The following SRD5A2 variants were observed in gnomAD, a reference collection of about 807,000 sequenced individuals.
The protein encoded by SRD5A2 is steroid 5 alpha-reductase 2.
A neutral mutation model predicts 27.4 loss-of-function variants in SRD5A2; 30 were observed. The observed-to-expected ratio is 1.10, with a 90% confidence interval of 0.82 to 1.49. The LOEUF (loss-of-function observed/expected upper bound fraction) is 1.49. Ranked by LOEUF, SRD5A2 falls within the 40% of genes most tolerant of loss-of-function variation. SRD5A2 has a pLI of 0.00. For synonymous variants in SRD5A2, 141 were observed against 133.6 expected (o/e 1.06, Z -0.38); for missense variants, 348 against 323.4 (o/e 1.08, Z -0.58).
chr2:31,608,496 T>C, the SRD5A2 span, among the ~76,000 whole-genome samples: 1 of 151,932 alleles, frequency 6.6e-6, no homozygotes, highest in East Asian at 1.9e-4. Flanking sequence ...AAGCTATGTA[T>C]TTTCAGATGG....
chr2:31,591,336 A>G, the SRD5A2 span, among the ~76,000 whole-genome samples: 2 of 152,252 alleles, frequency 1.3e-5, no homozygotes, highest in African/African-American at 4.8e-5. Flanking sequence ...ACATGAAAAA[A>G]TGCTCATCAT....
chr2:31,526,104 C>CATATATATATATATAT lies in SRD5A2; in HGVS notation c.*91_*92insATATATATATATATAT, dbSNP rs1491224935. On this transcript the variant is annotated 3_prime_UTR_variant, in exon 5 of 5. Coordinates refer to ENST00000622030, the MANE Select transcript of SRD5A2 (RefSeq NM_000348.4). Reference sequence around the variant, plus strand: ...CAGGAGACCTACTATTACATATATACGGGACTATTATATCATGAAAATTAC... The same window carrying CATATATATATATATAT: ...CAGGAGACCTACTATTACATATATACATATATATATATATATGGGACTATTATATCATGAAAATTAC... 1,007 of 795,646 alleles carry CATATATATATATATAT rather than the reference C, an allele frequency of 1.3e-3. No individual in the cohort carries two copies. Among genetic ancestry groups the CATATATATATATATAT allele is most frequent in the South Asian group, 2.9e-3 (171 of 58,548 alleles). The allele number at this position is 795,646 out of a possible 1,614,324, so 49.3% of individuals were successfully genotyped here.
At chr2:31,608,306 TATGA>T in the SRD5A2 span, among the ~76,000 whole-genome samples, 1 of 152,098 alleles carries the variant, frequency 6.6e-6, no homozygotes, top group East Asian at 1.9e-4. Context: ...CTGTGAAAGT[TATGA>T]ATGTATATTG....
At chr2:31,608,128 T>A in the SRD5A2 span, among the ~76,000 whole-genome samples, 1 of 152,074 alleles carries the variant, frequency 6.6e-6, no homozygotes, top group Non-Finnish European at 1.5e-5. Context: ...CCAAACTGAC[T>A]AAGACATCAT....
chr2:31,548,437 C>G lies in SRD5A2; in HGVS notation c.282-14671G>C, dbSNP rs535836600. On this transcript the variant is annotated intron_variant, in intron 1 of 4. Transcript: ENST00000622030. The stretch of plus-strand genomic sequence containing the variant: ...GGGCAATGGACTCGAATAAATGTCT[C>G]TCCAAAGAAGCTATGCAAATGGCCC... Among the ~76,000 whole-genome samples the G allele has an allele frequency of 2.0e-5, 3 of 152,264 alleles. No individual in the cohort carries two copies. The South Asian group carries it at 6.2e-4, about 32-fold the overall frequency.
At chr2:31,633,213 GAC>G in the SRD5A2 span, among the ~76,000 whole-genome samples, 1 of 152,150 alleles carries the variant, frequency 6.6e-6, no homozygotes. Context: ...GCCTCAAGAA[GAC>G]ACAGTTTCCT....
At chr2:31,625,843 G>T in the SRD5A2 span, among the ~76,000 whole-genome samples, 1 of 152,112 alleles carries the variant, frequency 6.6e-6, no homozygotes, top group Middle Eastern at 3.2e-3. Flanking sequence ...TGGCTATGTA[G>T]GCTCTTTTCT....
chr2:31,525,043 T>TAA lies in SRD5A2; in HGVS notation c.*1151_*1152dup, dbSNP rs74702388. On this transcript the variant is annotated 3_prime_UTR_variant, in exon 5 of 5. Transcript: ENST00000622030. ...TGATTTTTAAGTTTTTGAAACTTTGTAAAAAAAAAAAAAACTATATGTCTG... is the reference window on the plus strand; with the variant it reads ...TGATTTTTAAGTTTTTGAAACTTTGTAAAAAAAAAAAAAAAACTATATGTCTG... 910 of 190,274 alleles carry TAA rather than the reference T, an allele frequency of 4.8e-3. 2 individuals are homozygous for TAA. The highest frequency in any genetic ancestry group is 0.044 in the South Asian group (212 of 4,842). 11.8% of individuals were successfully genotyped at this position (190,274 alleles called of 1,614,324 possible). A position where few individuals can be genotyped will look rare whatever the true frequency, so the allele number is the denominator to read the frequency against.
the SRD5A2 span, among the ~76,000 whole-genome samples, chr2:31,646,162 C>T: frequency 2.0e-5 from 3 of 151,984 alleles, no homozygotes; most frequent in Non-Finnish European, 4.4e-5. Context: ...CAGGTGTGTG[C>T]GTGCACACAC....
chr2:31,621,766 A>ACCT, the SRD5A2 span, among the ~76,000 whole-genome samples: 1 of 152,028 alleles, frequency 6.6e-6, no homozygotes. Flanking sequence ...GATCTGGAGT[A>ACCT]GCTAGAACTA....
intron 1 of SRD5A2, among the ~76,000 whole-genome samples, chr2:31,556,489 T>C (rs1227652443): frequency 6.6e-6 from 1 of 152,210 alleles, no homozygotes; most frequent in East Asian, 1.9e-4. Context: ...TCATCCTGTA[T>C]AATCCACGTG....
At chr2:31,628,374 C>T in the SRD5A2 span, among the ~76,000 whole-genome samples, 1 of 152,048 alleles carries the variant, frequency 6.6e-6, no homozygotes, top group African/African-American at 2.4e-5. Flanking sequence ...ATTTCATGTA[C>T]AATGGGCCTC....
the SRD5A2 span, among the ~76,000 whole-genome samples, chr2:31,591,638 G>A: frequency 2.5e-4 from 38 of 151,638 alleles, 1 homozygote; most frequent in Non-Finnish European, 2.8e-4. Context: ...ACATGCACAC[G>A]TATGTTTATT....
At chr2:31,655,221 C>T in the SRD5A2 span, among the ~76,000 whole-genome samples, 2 of 152,126 alleles carry the variant, frequency 1.3e-5, no homozygotes, top group Non-Finnish European at 2.9e-5. Flanking sequence ...CCTGCCTCAG[C>T]CTCCTGATTA....
the SRD5A2 span, among the ~76,000 whole-genome samples, chr2:31,601,488 C>T: frequency 6.6e-6 from 1 of 151,984 alleles, no homozygotes; most frequent in Non-Finnish European, 1.5e-5. Context: ...ACCAGAGGTA[C>T]AAGGAAGACC....
the SRD5A2 span, among the ~76,000 whole-genome samples, chr2:31,606,591 C>T: frequency 1.3e-5 from 2 of 151,808 alleles, no homozygotes; most frequent in African/African-American, 4.8e-5. Flanking sequence ...AAAGCTCAAT[C>T]GAGCTTCAGT....
chr2:31,552,775 G>C (rs1014087178), intron 1 of SRD5A2, among the ~76,000 whole-genome samples: 1 of 152,126 alleles, frequency 6.6e-6, no homozygotes, highest in African/African-American at 2.4e-5. Context: ...AATTGATGAA[G>C]GTCTTTAACT....
intron 2 of SRD5A2, among the ~76,000 whole-genome samples, chr2:31,532,146 G>A (rs1201912776): frequency 1.3e-5 from 2 of 152,274 alleles, no homozygotes; most frequent in African/African-American, 2.4e-5. Flanking sequence ...GACACAAAGT[G>A]CCTGAGTTAT....
chr2:31,623,272 T>A, the SRD5A2 span, among the ~76,000 whole-genome samples: 2 of 152,114 alleles, frequency 1.3e-5, no homozygotes, highest in African/African-American at 2.4e-5. Flanking sequence ...TAACATCATT[T>A]CCATACTCTA....
Sources: gnomAD v4.1 joint callset for allele counts (sites outside exome capture counted in the v4.1 genomes callset) on GRCh38, gnomAD v4.1.1 for gene constraint, MANE v1.5 for transcripts, NCBI Gene and HGNC (gene_info 2026-07-23, HGNC 2026-07-21) for gene names.